CDH13: variants seen among roughly 807,000 people sequenced by gnomAD.
CDH13 encodes cadherin-13.
Under a neutral mutation model 63.8 loss-of-function variants are expected in CDH13, and 24 were observed. The observed-to-expected ratio is 0.38, with a 90% CI of 0.27 to 0.53. CDH13 has a LOEUF of 0.53. CDH13 is among the 20% of genes least tolerant of loss of function. The pLI, the probability that CDH13 is intolerant of heterozygous loss-of-function variation, is 0.85. For missense variants in CDH13, 1,049 were observed against 903.1 expected, an observed-to-expected ratio of 1.16 and a Z score of -2.07; for synonymous variants, 503 against 355.3, an observed-to-expected ratio of 1.42 and a Z score of -4.67.
intron 7 of CDH13, among the ~76,000 whole-genome samples, chr16:83,544,808 T>C: frequency 6.6e-6 from 1 of 152,294 alleles, no homozygotes; most frequent in East Asian, 1.9e-4. Context: ...AAATGAGGAT[T>C]TATAACAGTT....
intron 2 of CDH13, among the ~76,000 whole-genome samples, chr16:82,967,870 C>T (rs918589955): frequency 2.0e-5 from 3 of 152,218 alleles, no homozygotes; most frequent in African/African-American, 4.8e-5. Context: ...TCCTTTGTAA[C>T]TAACAAGGGT....
rs1422448690 is a variant in CDH13, at chr16:82,840,342, A to G, written c.46-18020A>G. Among the ~76,000 whole-genome samples the G allele has an allele frequency of 4.0e-5, 6 of 151,708 alleles. No homozygotes were observed. The South Asian group carries it at 1.3e-3, about 32-fold the overall frequency. On this transcript the variant is annotated intron_variant, in intron 1 of 13. Transcript: ENST00000567109. The stretch of plus-strand genomic sequence containing the variant: ...TGCCCTAAAATGTCTCTGCCTTCAA[A>G]CAAGTGGGCTAAAGAGGGAGGGCCT...
At chr16:83,552,334 A>G (rs934308619) in intron 7 of CDH13, among the ~76,000 whole-genome samples, 1 of 152,208 alleles carries the variant, frequency 6.6e-6, no homozygotes, top group African/African-American at 2.4e-5. Context: ...CCATTATCTT[A>G]CCAGGAAATG....
At chr16:83,455,933 A>G (rs1228815166) in intron 6 of CDH13, among the ~76,000 whole-genome samples, 2 of 152,200 alleles carry the variant, frequency 1.3e-5, no homozygotes, top group Admixed American at 1.3e-4. Flanking sequence ...AATTTCATCA[A>G]CAGTGTGGAA....
chr16:82,942,378 A>C (rs1028942994), intron 2 of CDH13, among the ~76,000 whole-genome samples: 5 of 152,218 alleles, frequency 3.3e-5, no homozygotes, highest in African/African-American at 1.2e-4. Context: ...ACCTTGTGCC[A>C]ATATGAGGGT....
intron 3 of CDH13, among the ~76,000 whole-genome samples, chr16:83,100,910 C>T (rs1288803285): frequency 1.3e-5 from 2 of 152,152 alleles, no homozygotes; most frequent in South Asian, 2.1e-4. Context: ...TTGTATTTCA[C>T]ACATCATTTA....
chr16:83,156,147 T>G (rs2037198478), intron 4 of CDH13, among the ~76,000 whole-genome samples: 1 of 152,210 alleles, frequency 6.6e-6, no homozygotes, highest in Non-Finnish European at 1.5e-5. Flanking sequence ...AGGCTTGGTT[T>G]GTGCTTTGAA....
At chr16:82,761,406 A>G (rs940099235) in intron 1 of CDH13, among the ~76,000 whole-genome samples, 3 of 152,174 alleles carry the variant, frequency 2.0e-5, no homozygotes, top group African/African-American at 2.4e-5. Flanking sequence ...CATTCCTCAG[A>G]TGAGAACATT....
chr16:82,934,617 T>C (rs576140166), intron 2 of CDH13, among the ~76,000 whole-genome samples: 1 of 152,202 alleles, frequency 6.6e-6, no homozygotes, highest in Non-Finnish European at 1.5e-5. Flanking sequence ...GGTTGCAAAT[T>C]TTCCAAACTT....
chr16:83,513,086 G>T (rs933711791), intron 7 of CDH13, among the ~76,000 whole-genome samples: 2 of 151,978 alleles, frequency 1.3e-5, no homozygotes, highest in African/African-American at 4.8e-5. Context: ...CCAGAATTAG[G>T]CTTGTGAAAA....
At chr16:82,756,752 C>A (rs1236759065) in intron 1 of CDH13, among the ~76,000 whole-genome samples, 1 of 152,136 alleles carries the variant, frequency 6.6e-6, no homozygotes, top group Non-Finnish European at 1.5e-5. Context: ...TAAGCAGTAC[C>A]TGAGAGCATT....
chr16:83,556,251 T>C (rs2075599942), intron 7 of CDH13, among the ~76,000 whole-genome samples: 1 of 152,154 alleles, frequency 6.6e-6, no homozygotes, highest in South Asian at 2.1e-4. Flanking sequence ...GACTTCATAG[T>C]CTCTTAAGTA....
intron 6 of CDH13, among the ~76,000 whole-genome samples, chr16:83,362,699 A>G (rs1470156631): frequency 6.6e-6 from 1 of 152,216 alleles, no homozygotes; most frequent in Non-Finnish European, 1.5e-5. Context: ...TCCTTCAAGG[A>G]TACTGCATTT....
At chr16:83,418,929 G>A (rs1263613118) in intron 6 of CDH13, among the ~76,000 whole-genome samples, 3 of 152,122 alleles carry the variant, frequency 2.0e-5, no homozygotes, top group Admixed American at 1.3e-4. Flanking sequence ...TTCAGCAGAT[G>A]CTTCTCTTCT....
intron 1 of CDH13, among the ~76,000 whole-genome samples, chr16:82,853,262 C>G (rs1389422940): frequency 6.6e-6 from 1 of 152,160 alleles, no homozygotes; most frequent in Non-Finnish European, 1.5e-5. Flanking sequence ...TGATTCCCTG[C>G]TATGTCCCTG....
At chr16:83,532,194 A>T (rs2075097369) in intron 7 of CDH13, among the ~76,000 whole-genome samples, 2 of 152,144 alleles carry the variant, frequency 1.3e-5, no homozygotes, top group East Asian at 3.9e-4. Flanking sequence ...GAGTCCATTA[A>T]ACCTCTTTCT....
intron 2 of CDH13, among the ~76,000 whole-genome samples, chr16:82,930,998 G>C (rs1008743163): frequency 1.3e-5 from 2 of 152,232 alleles, no homozygotes; most frequent in Non-Finnish European, 2.9e-5. Context: ...GGACAGAAAA[G>C]TTCTGTTTCT....
intron 2 of CDH13, among the ~76,000 whole-genome samples, chr16:82,993,214 C>T (rs886170864): frequency 3.9e-5 from 6 of 152,156 alleles, no homozygotes; most frequent in Non-Finnish European, 8.8e-5. Context: ...GTTAATTTCA[C>T]ATTTTATCTC....
intron 7 of CDH13, among the ~76,000 whole-genome samples, chr16:83,585,802 C>T (rs143634535): frequency 6.8e-4 from 104 of 152,186 alleles, no homozygotes; most frequent in African/African-American, 2.5e-3. Flanking sequence ...GGGAAATGGG[C>T]TCCCACGTGG....
Sources: gnomAD v4.1 joint callset for allele counts (sites outside exome capture counted in the v4.1 genomes callset) on GRCh38, gnomAD v4.1.1 for gene constraint, MANE v1.5 for transcripts, NCBI Gene and HGNC (gene_info 2026-07-23, HGNC 2026-07-21) for gene names.